The following ELAPOR1 variants were observed in gnomAD, a reference collection of about 807,000 sequenced individuals.
The protein encoded by ELAPOR1 is endosome-lysosome associated apoptosis and autophagy regulator 1.
Under a neutral mutation model 119.7 loss-of-function variants are expected in ELAPOR1, and 77 were observed. The observed-to-expected ratio is 0.64, with a 90% CI of 0.54 to 0.78. The LOEUF (loss-of-function observed/expected upper bound fraction) is 0.78. Among genes scored for constraint, ELAPOR1 ranks in the 30% least tolerant of loss-of-function variants. ELAPOR1 has a pLI of 0.00. For synonymous variants in ELAPOR1, 481 were observed against 487.2 expected, an observed-to-expected ratio of 0.99 and a Z score of 0.17; for missense variants, 1,115 against 1,270.4, an observed-to-expected ratio of 0.88 and a Z score of 1.86.
chr1:109,191,561 C>T, intron 12 of ELAPOR1, 90 bp downstream of exon 12: 1 of 1,373,034 alleles, frequency 7.3e-7, no homozygotes, highest in Admixed American at 1.8e-5. Context: ...ACTGACACCC[C>T]CCCTTGTAGT....
intron 14 of ELAPOR1, among the ~76,000 whole-genome samples, chr1:109,194,158 G>T (rs1653626257): frequency 1.3e-5 from 2 of 152,160 alleles, no homozygotes; most frequent in African/African-American, 4.8e-5. Flanking sequence ...GGGTTATAAG[G>T]CTATAGAATT....
In ELAPOR1 at chr1:109,189,273, T is replaced by G. The variant is rs1479423448; in HGVS notation, c.1348+79T>G. On this transcript the variant is annotated intron_variant, in intron 10 of 21. Transcript: ENST00000369939. ...CTTCCAACTTCACATTTCTTCATAA[T>G]AGTGATGTCTGAGAAAAATAAGCTA... is the stretch of plus-strand genomic sequence containing the variant. 3 of 1,502,850 alleles carry G rather than the reference T, an allele frequency of 2.0e-6. No individual in the cohort carries two copies. The African/African-American group carries it at 4.2e-5, about 21-fold the overall frequency. 93.1% of individuals were successfully genotyped at this position (1,502,850 alleles called of 1,614,324 possible).
intron 8 of ELAPOR1, chr1:109,187,055 T>A: frequency 1.0e-6 from 1 of 985,548 alleles, no homozygotes; most frequent in Non-Finnish European, 1.2e-6. Flanking sequence ...GCACTGGTTC[T>A]GCTCAGTCTG....
intron 7 of ELAPOR1, among the ~76,000 whole-genome samples, chr1:109,176,606 CTTTTTTTT>C (rs1166255748): frequency 1.6e-5 from 2 of 127,804 alleles, no homozygotes; most frequent in Admixed American, 7.9e-5. Context: ...CTTTTTTTTT[CTTTTTTTT>C]TTTTTTTTTA....
chr1:109,154,482 G>T (rs957100086), intron 1 of ELAPOR1, among the ~76,000 whole-genome samples: 1 of 152,168 alleles, frequency 6.6e-6, no homozygotes, highest in Admixed American at 6.6e-5. Flanking sequence ...AAGGTCTTTT[G>T]TTCCTCGTCT....
At chr1:109,189,300 C>T (rs1653277202) in intron 10 of ELAPOR1, 106 bp downstream of exon 10, 1 of 1,370,922 alleles carries the variant, frequency 7.3e-7, no homozygotes, top group African/African-American at 1.4e-5. Flanking sequence ...AATAAGCTAA[C>T]CATGTCATGC....
intron 7 of ELAPOR1, among the ~76,000 whole-genome samples, chr1:109,174,509 C>T (rs995674821): frequency 3.0e-4 from 43 of 141,346 alleles, no homozygotes; most frequent in African/African-American, 1.0e-3. Flanking sequence ...GCTTGGAATA[C>T]GTCAGTGAAC....
At chr1:109,158,095 C>T (rs1403892580) in intron 1 of ELAPOR1, among the ~76,000 whole-genome samples, 1 of 152,108 alleles carries the variant, frequency 6.6e-6, no homozygotes, top group African/African-American at 2.4e-5. Context: ...ACCATGATGG[C>T]CAGGCTGGTC....
intron 1 of ELAPOR1, among the ~76,000 whole-genome samples, chr1:109,124,978 G>C (rs996805004): frequency 6.6e-6 from 1 of 152,062 alleles, no homozygotes; most frequent in African/African-American, 2.4e-5. Flanking sequence ...ACCCAGGCTG[G>C]ACTGCAGTGG....
intron 21 of ELAPOR1, among the ~76,000 whole-genome samples, chr1:109,201,824 G>A (rs1357102885): frequency 6.6e-6 from 1 of 152,210 alleles, no homozygotes; most frequent in Admixed American, 6.5e-5. Context: ...GGATTTTTAA[G>A]ATTTTTGGCT....
intron 14 of ELAPOR1, among the ~76,000 whole-genome samples, 166 bp from the exon 15 acceptor site, chr1:109,194,255 C>G (rs529621252): frequency 2.0e-5 from 3 of 152,146 alleles, no homozygotes; most frequent in Non-Finnish European, 2.9e-5. Flanking sequence ...TACATAAATC[C>G]CACTAGTGCC....
In ELAPOR1 at chr1:109,177,941, T is replaced by C. The variant is rs115629366; in HGVS notation, c.952+4104T>C. 8.0e-3 allele frequency among the ~76,000 whole-genome samples: 1,212 copies of C among 152,266 alleles called. 17 individuals are homozygous for C. Among genetic ancestry groups the C allele is most frequent in the African/African-American group, 0.022 (919 of 41,562 alleles). ...GTTGGGAGTCTGAATTCTTGGAATC[T>C]ATTTTCCTTCTGCCACTGATTTCTC... is the stretch of plus-strand genomic sequence containing the variant. On this transcript the variant is annotated intron_variant, in intron 7 of 21. Coordinates refer to ENST00000369939, the MANE Select transcript of ELAPOR1 (RefSeq NM_020775.5).
intron 1 of ELAPOR1, among the ~76,000 whole-genome samples, chr1:109,157,456 C>T (rs568045865): frequency 1.3e-5 from 2 of 152,182 alleles, no homozygotes; most frequent in South Asian, 2.1e-4. Context: ...GGAAAAGGCA[C>T]TCCCTCTCTG....
chr1:109,161,137 C>T (rs891707967), intron 1 of ELAPOR1, among the ~76,000 whole-genome samples: 3 of 151,958 alleles, frequency 2.0e-5, no homozygotes, highest in Non-Finnish European at 2.9e-5. Flanking sequence ...TAGGGCCAGG[C>T]GTGGTGGCTC....
Position 109,136,006 on chromosome 1 carries a change from C to CT in ELAPOR1, c.153+21678dup, listed in dbSNP as rs548222634. 5.4e-3 allele frequency among the ~76,000 whole-genome samples: 822 copies of CT among 151,764 alleles called. 10 individuals are homozygous for CT. The highest frequency in any genetic ancestry group is 0.019 in the African/African-American group (768 of 41,424). ...GATTCTGCTTTTCTTTTCTTTTTTTCTTTTTTTTGGTCTAAGAAGTAATTC... is the reference window on the plus strand; with the variant it reads ...GATTCTGCTTTTCTTTTCTTTTTTTCTTTTTTTTTGGTCTAAGAAGTAATTC... On this transcript the variant is annotated intron_variant, in intron 1 of 21. Transcript: ENST00000369939.
At chr1:109,119,306 C>T (rs1041963990) in intron 1 of ELAPOR1, among the ~76,000 whole-genome samples, 2 of 151,438 alleles carry the variant, frequency 1.3e-5, no homozygotes, top group African/African-American at 4.9e-5. Flanking sequence ...AAGCCATCCT[C>T]CCATCTCAGT....
Position 109,205,816 on chromosome 1 carries a change from CCTG to C in ELAPOR1, c.*2805_*2807del, listed in dbSNP as rs1654454208. On this transcript the variant is annotated 3_prime_UTR_variant, in exon 22 of 22. Coordinates refer to ENST00000369939, the MANE Select transcript of ELAPOR1 (RefSeq NM_020775.5). Reference sequence around the variant, plus strand: ...TGACTTCTGCAGGTCTGCCCTGTGACCTGTCAGGAACTCCTGAGTTACGCTACT... The same window carrying C: ...TGACTTCTGCAGGTCTGCCCTGTGACTCAGGAACTCCTGAGTTACGCTACT... 1 of 152,170 alleles carries C rather than the reference CCTG, an allele frequency of 6.6e-6. No individual in the cohort carries two copies. The highest frequency in any genetic ancestry group is 1.5e-5 in the Non-Finnish European group (1 of 68,030). 9.4% of individuals were successfully genotyped at this position (152,170 alleles called of 1,614,324 possible). A position where few individuals can be genotyped will look rare whatever the true frequency, so the allele number is the denominator to read the frequency against.
At chr1:109,163,422 T>A (rs140003153) in intron 2 of ELAPOR1, among the ~76,000 whole-genome samples, 4 of 152,294 alleles carry the variant, frequency 2.6e-5, no homozygotes, top group African/African-American at 9.6e-5. Flanking sequence ...AAAGACAAGG[T>A]CTCACTCTGT....
At chr1:109,197,385 G>C in intron 15 of ELAPOR1, 89 bp from the exon 16 acceptor site, 1 of 1,076,168 alleles carries the variant, frequency 9.3e-7, no homozygotes, top group South Asian at 1.5e-5. Flanking sequence ...TGAAAATTTA[G>C]ATGTAAAAAA....
Sources: gnomAD v4.1 joint callset for allele counts (sites outside exome capture counted in the v4.1 genomes callset) on GRCh38, gnomAD v4.1.1 for gene constraint, MANE v1.5 for transcripts, NCBI Gene and HGNC (gene_info 2026-07-23, HGNC 2026-07-21) for gene names.